The following PKP1 variants were observed in gnomAD, a reference collection of about 807,000 sequenced individuals.
The protein encoded by PKP1 is plakophilin-1.
Under a neutral mutation model 76.4 loss-of-function variants are expected in PKP1, and 27 were observed. The ratio of observed to expected loss-of-function variants is 0.35; its 90% CI spans 0.26 to 0.49. PKP1 has a LOEUF of 0.49. Among genes scored for constraint, PKP1 ranks in the 20% least tolerant of loss-of-function variants. The pLI is 0.99. For missense variants in PKP1, 964 were observed against 955.2 expected (o/e 1.01, Z -0.12); for synonymous variants, 404 against 384.2 (o/e 1.05, Z -0.60).
At chr1:201,289,193 A>C (rs1438441912) in intron 1 of PKP1, among the ~76,000 whole-genome samples, 4 of 152,188 alleles carry the variant, frequency 2.6e-5, no homozygotes, top group African/African-American at 9.6e-5. Context: ...AACACCTCTG[A>C]GGGTATTCTC....
intron 10 of PKP1, among the ~76,000 whole-genome samples, 177 bp downstream of exon 10, chr1:201,324,758 G>A (rs1042182906): frequency 6.6e-6 from 1 of 152,194 alleles, no homozygotes; most frequent in African/African-American, 2.4e-5. Context: ...AGGGCTGGGA[G>A]CAGATCTGCA....
chr1:201,314,474 A>AAAC lies in PKP1; in HGVS notation c.701+932_701+934dup, dbSNP rs578129244. ...GAGACCCTGTCTCAAACAAACAAAC[A>AAAC]AACAACAACAACAACAACAAAAACC... On this transcript the variant is annotated intron_variant, in intron 3 of 13. Coordinates refer to ENST00000367324, the MANE Select transcript of PKP1 (RefSeq NM_001005337.3). Among the ~76,000 whole-genome samples the AAAC allele has an allele frequency of 1.9e-3, 291 of 152,184 alleles. 1 individual carries two copies. Among genetic ancestry groups the AAAC allele is most frequent in the African/African-American group, 6.2e-3 (259 of 41,516 alleles).
Position 201,328,878 on chromosome 1 carries a change from A to T in PKP1, c.*32+10A>T. The T allele has an allele frequency of 6.6e-7, 1 of 1,520,690 alleles. No individual in the cohort carries two copies. The highest frequency in any genetic ancestry group is 9.1e-7 in the Non-Finnish European group (1 of 1,094,840). The allele number at this position is 1,520,690 out of a possible 1,614,324, so 94.2% of individuals were successfully genotyped here. On this transcript the variant is annotated intron_variant, in intron 13 of 13. Transcript: ENST00000367324. ...CAAGTTAGGCTTGCAGGTAAGAATC[A>T]CCCCACCCTCAGGGATGCCTCTGGG... is the stretch of plus-strand genomic sequence containing the variant.
At position 201,330,974 on chromosome 1, in the gene PKP1, A is replaced by G. The variant is rs1454840941; in HGVS notation, c.*933A>G. On this transcript the variant is annotated 3_prime_UTR_variant, in exon 14 of 14. Transcript: ENST00000367324. ...GAAGGTAAAAAATGATTTTTTTAAG[A>G]AAAGCTATTTTATTGCAGCTCTTTC... is the stretch of plus-strand genomic sequence containing the variant. The G allele has an allele frequency of 1.3e-5, 2 of 152,144 alleles. No homozygotes were observed. Among genetic ancestry groups the G allele is most frequent in the Non-Finnish European group, 2.9e-5 (2 of 68,028 alleles). 9.4% of individuals were successfully genotyped at this position (152,144 alleles called of 1,614,324 possible).
chr1:201,294,168 G>T, intron 2 of PKP1, 123 bp downstream of exon 2: 1 of 734,372 alleles, frequency 1.4e-6, no homozygotes, highest in Non-Finnish European at 2.5e-6. Flanking sequence ...CGTGAGTTGA[G>T]GCTCATCAAC....
intron 6 of PKP1, chr1:201,319,961 A>G: frequency 6.8e-7 from 1 of 1,464,670 alleles, no homozygotes; most frequent in Non-Finnish European, 9.6e-7. Flanking sequence ...AGAGTGAAGG[A>G]GGAGAAGAAC....
intron 6 of PKP1, 82 bp downstream of exon 6, chr1:201,318,877 C>G: frequency 1.6e-6 from 2 of 1,212,470 alleles, no homozygotes; most frequent in Non-Finnish European, 1.2e-6. Flanking sequence ...CAACATTCAG[C>G]CGGTGCATAG....
chr1:201,321,096 A>G (rs1624185), intron 7 of PKP1, among the ~76,000 whole-genome samples: 144,192 of 152,244 alleles, frequency 0.95, 68,753 homozygotes, highest in East Asian at 1. Context: ...GAACGGGCTG[A>G]CATCACAGCA....
At chr1:201,308,132 T>C (rs1441832581) in intron 2 of PKP1, among the ~76,000 whole-genome samples, 1 of 152,240 alleles carries the variant, frequency 6.6e-6, no homozygotes, top group Non-Finnish European at 1.5e-5. Context: ...ACCCAGCTGC[T>C]TTGCTCAGGT....
chr1:201,313,047 A>C (rs896518313), intron 2 of PKP1, 119 bp from the exon 3 acceptor site: 34 of 1,087,980 alleles, frequency 3.1e-5, no homozygotes, highest in Non-Finnish European at 4.5e-5. Context: ...CACGCCAAAC[A>C]TTCTGGGATT....
intron 12 of PKP1, among the ~76,000 whole-genome samples, chr1:201,328,086 C>T (rs1478415149): frequency 6.6e-6 from 1 of 152,212 alleles, no homozygotes; most frequent in Non-Finnish European, 1.5e-5. Context: ...TCTCAGAGCT[C>T]AGGGCTGGCA....
intron 1 of PKP1, among the ~76,000 whole-genome samples, chr1:201,288,128 T>C (rs1655790335): frequency 6.6e-6 from 1 of 152,214 alleles, no homozygotes; most frequent in Non-Finnish European, 1.5e-5. Context: ...GGCATCTACC[T>C]GGTGTGCGAT....
chr1:201,290,233 G>T (rs1655873590), intron 1 of PKP1, among the ~76,000 whole-genome samples: 1 of 152,292 alleles, frequency 6.6e-6, no homozygotes, highest in Non-Finnish European at 1.5e-5. Context: ...GGACAGAGCA[G>T]GTTGTGTTGC....
chr1:201,298,022 A>G (rs1656123757), intron 2 of PKP1, among the ~76,000 whole-genome samples: 1 of 152,226 alleles, frequency 6.6e-6, no homozygotes, highest in Non-Finnish European at 1.5e-5. Flanking sequence ...TGCCCCGTCT[A>G]TCTATTTGTT....
chr1:201,323,443 A>G (rs1439619147), intron 9 of PKP1, among the ~76,000 whole-genome samples: 3 of 152,168 alleles, frequency 2.0e-5, no homozygotes, highest in African/African-American at 7.2e-5. Flanking sequence ...CCCCTTGGCC[A>G]CATGGCTCCC....
chr1:201,329,048 A>T (rs1260301106), intron 13 of PKP1, among the ~76,000 whole-genome samples, 180 bp downstream of exon 13: 1 of 152,162 alleles, frequency 6.6e-6, no homozygotes, highest in Non-Finnish European at 1.5e-5. Flanking sequence ...TCCCACCCTC[A>T]GGACGTTAGG....
chr1:201,328,787 G>A lies in PKP1; in HGVS notation c.2132G>A (p.Gly711Glu), dbSNP rs551141144. The change falls in exon 13 of 14, where the codon GGA becomes GAA. Residue 711 changes from glycine to glutamate, a missense_variant. Gly to Glu is a moderately conservative substitution (Grantham distance 98). Coordinates refer to ENST00000367324, the MANE Select transcript of PKP1 (RefSeq NM_001005337.3). ...CAAGGTTTCGATAGGAACATGCTGGGAACCTTAGCTGGGGCCAACAGCCTC... is the reference window on the plus strand; with the variant it reads ...CAAGGTTTCGATAGGAACATGCTGGAAACCTTAGCTGGGGCCAACAGCCTC... ...RQQGFDRNML[G>E]TLAGANSLRN... The A allele has an allele frequency of 3.2e-5, 51 of 1,614,164 alleles. No individual in the cohort carries two copies. The African/African-American group carries it at 5.1e-4, about 16-fold the overall frequency.
chr1:201,323,052 A>T lies in PKP1; in HGVS notation c.1543A>T (p.Asn515Tyr), dbSNP rs1339675923. ...CTGCCCCCTGCCTGAGGAAGAGACC[A>T]ACCCCAAGGGCAGCGGCTGGTTGTA... ...YDCPLPEEET[N>Y]PKGSGWLYHS... The change falls in exon 9 of 14, where the codon AAC becomes TAC. Residue 515 changes from asparagine to tyrosine, a missense_variant. Asn to Tyr is a moderately radical substitution (Grantham distance 143). Transcript: ENST00000367324. 6.2e-7 allele frequency: 1 copy of T among 1,614,178 alleles called. No individual in the cohort carries two copies. The highest frequency in any genetic ancestry group is 2.2e-5 in the East Asian group (1 of 44,880).
At chr1:201,318,882 G>A (rs997673684) in intron 6 of PKP1, 87 bp downstream of exon 6, 18 of 1,077,614 alleles carry the variant, frequency 1.7e-5, no homozygotes, top group Non-Finnish European at 2.2e-5. Flanking sequence ...TTCAGCCGGT[G>A]CATAGAACAT....
Sources: allele counts gnomAD v4.1 joint callset (sites outside exome capture counted in the v4.1 genomes callset), GRCh38; gene constraint gnomAD v4.1.1; transcripts MANE v1.5; gene names NCBI Gene and HGNC (gene_info 2026-07-23, HGNC 2026-07-21).